PCDH18: variants seen among roughly 807,000 people sequenced by gnomAD.
PCDH18 encodes protocadherin 18, also known as protocadherin-18.
PCDH18 carries 38 observed loss-of-function variants against 71.5 expected under a neutral mutation model. The observed-to-expected ratio is 0.53, with a 90% CI of 0.41 to 0.70. The LOEUF (loss-of-function observed/expected upper bound fraction) is 0.70, where lower values mean the gene tolerates loss of function less well. Ranked by LOEUF, PCDH18 falls within the 30% of genes least tolerant of loss-of-function variation. The probability of loss-of-function intolerance (pLI) is 0.00; values close to 1 mark genes in which losing one functional copy is unlikely to be tolerated. For synonymous variants in PCDH18, 565 were observed against 505.4 expected (o/e 1.12, Z -1.58); for missense variants, 1,334 against 1,384.6 (o/e 0.96, Z 0.58).
Position 137,531,564 on chromosome 4 carries a change from C to A in PCDH18, c.525G>T (p.Ser175=), listed in dbSNP as rs767517000. 1.9e-6 allele frequency: 3 copies of A among 1,612,874 alleles called. No individual in the cohort carries two copies. The highest frequency in any genetic ancestry group is 4.5e-5 in the East Asian group (2 of 44,866). Residue 175 remains serine (S), a synonymous_variant, in exon 1 of 4, where the codon TCG becomes TCT. Coordinates refer to ENST00000344876, the MANE Select transcript of PCDH18 (RefSeq NM_019035.5). ...TATTAAAAAAATCATTGGCAGAGAG[C>A]GAGTATGTGTGGAGGGAATTTTCCC... ...DVGENSLHTY[S]LSANDFFNIE...
rs1731255268 is a variant in PCDH18, at chr4:137,520,387, A to G, written c.*642T>C. 1 of 152,190 alleles carries G rather than the reference A, an allele frequency of 6.6e-6. No individual in the cohort carries two copies. Among genetic ancestry groups the G allele is most frequent in the African/African-American group, 2.4e-5 (1 of 41,452 alleles). The allele number at this position is 152,190 out of a possible 1,614,324, so 9.4% of individuals were successfully genotyped here. On this transcript the variant is annotated 3_prime_UTR_variant, in exon 4 of 4. Coordinates refer to ENST00000344876, the MANE Select transcript of PCDH18 (RefSeq NM_019035.5). ...AAACATTGACTTTAATTCTGTTTTC[A>G]TCATTGTCTATAAAAAGTTCATTTG...
Position 137,531,472 on chromosome 4 carries a change from C to G in PCDH18, c.617G>C (p.Arg206Pro). The G allele has an allele frequency of 6.2e-7, 1 of 1,613,906 alleles. No individual in the cohort carries two copies. Among genetic ancestry groups the G allele is most frequent in the Non-Finnish European group, 8.5e-7 (1 of 1,179,958 alleles). ...AELIVVRELD[R>P]ELKSSYELQL... Reference sequence around the variant, plus strand: ...AAGCTCGTAGCTTGACTTCAGCTCCCGATCTAACTCTCTGACCACTATGAG... The same window carrying G: ...AAGCTCGTAGCTTGACTTCAGCTCCGGATCTAACTCTCTGACCACTATGAG... Residue 206 changes from arginine to proline, a missense_variant, in exon 1 of 4, where the codon CGG (arginine) becomes CCG (proline). Transcript: ENST00000344876.
Position 137,521,699 on chromosome 4 carries a change from G to A in PCDH18, c.2741-3C>T, listed in dbSNP as rs1270147849. 6 of 1,586,492 alleles carry A rather than the reference G, an allele frequency of 3.8e-6. No homozygotes were observed. The highest frequency in any genetic ancestry group is 4.3e-6 in the Non-Finnish European group (5 of 1,166,212). Reference sequence around the variant, plus strand: ...CTCCTCCGTGCAGAGTCTCATAGCTGCACTCAAGAAAAACAGTGGGGATTC... The same window carrying A: ...CTCCTCCGTGCAGAGTCTCATAGCTACACTCAAGAAAAACAGTGGGGATTC... On this transcript the variant is annotated splice_polypyrimidine_tract_variant and splice_region_variant and intron_variant, in intron 3 of 3. Transcript: ENST00000344876.
At position 137,524,447 on chromosome 4, in the gene PCDH18, C is replaced by T. The variant is rs369700338; in HGVS notation, c.2741-2751G>A. Among the ~76,000 whole-genome samples the T allele has an allele frequency of 1.9e-3, 295 of 151,976 alleles. 2 individuals carry two copies. Among genetic ancestry groups the T allele is most frequent in the South Asian group, 0.016 (76 of 4,814 alleles). On this transcript the variant is annotated intron_variant, in intron 3 of 3. Coordinates refer to ENST00000344876, the MANE Select transcript of PCDH18 (RefSeq NM_019035.5). Reference sequence around the variant, plus strand: ...AGTGTAGCAAGTGACATCGTAAACACAGGTAAAGTGTCAAACTAGATGATG... The same window carrying T: ...AGTGTAGCAAGTGACATCGTAAACATAGGTAAAGTGTCAAACTAGATGATG...
In PCDH18 at chr4:137,532,123, T is replaced by A. The variant is rs765922898; in HGVS notation, c.-35A>T. ...TATGAGATTTCCCTCACAGAGCAAG[T>A]TAAAACAGCAAAGCAATTGCCTCAA... On this transcript the variant is annotated 5_prime_UTR_variant, in exon 1 of 4. Transcript: ENST00000344876. 4 of 1,540,648 alleles carry A rather than the reference T, an allele frequency of 2.6e-6. No homozygotes were observed. In the East Asian group the frequency reaches 6.8e-5, roughly 26 times the overall value.
At position 137,532,116 on chromosome 4, in the gene PCDH18, G is replaced by A; in HGVS notation, c.-28C>T. On this transcript the variant is annotated 5_prime_UTR_variant, in exon 1 of 4. Coordinates refer to ENST00000344876, the MANE Select transcript of PCDH18 (RefSeq NM_019035.5). ...GTCAGTTTATGAGATTTCCCTCACA[G>A]AGCAAGTTAAAACAGCAAAGCAATT... The A allele has an allele frequency of 6.4e-7, 1 of 1,571,356 alleles. No individual in the cohort carries two copies. Among genetic ancestry groups the A allele is most frequent in the Non-Finnish European group, 8.7e-7 (1 of 1,143,170 alleles).
rs1395338327 is a variant in PCDH18 at position 137,519,051 on chromosome 4, G to A, written c.*1978C>T. On this transcript the variant is annotated 3_prime_UTR_variant, in exon 4 of 4. Coordinates refer to ENST00000344876, the MANE Select transcript of PCDH18 (RefSeq NM_019035.5). Reference sequence around the variant, plus strand: ...AGGATATAAAAGTCTTTTTCTTAATGGTAATATATACTGAAAGGAAGTGAA... The same window carrying A: ...AGGATATAAAAGTCTTTTTCTTAATAGTAATATATACTGAAAGGAAGTGAA... 6.6e-6 allele frequency: 1 copy of A among 152,092 alleles called. No individual in the cohort carries two copies. Among genetic ancestry groups the A allele is most frequent in the Non-Finnish European group, 1.5e-5 (1 of 68,004 alleles). 9.4% of individuals were successfully genotyped at this position (152,092 alleles called of 1,614,324 possible). A position where few individuals can be genotyped will look rare whatever the true frequency, so the allele number is the denominator to read the frequency against.
In PCDH18 at chr4:137,531,582, A is replaced by G. The variant is rs138397874; in HGVS notation, c.507T>C (p.Asn169=). 21 of 1,613,264 alleles carry G rather than the reference A, an allele frequency of 1.3e-5. No homozygotes were observed. In the African/African-American group the frequency reaches 2.5e-4, roughly 19 times the overall value. The change falls in exon 1 of 4, where the codon AAT becomes AAC. Residue 169 remains asparagine (N), a synonymous_variant. Transcript: ENST00000344876. ...CAGAGAGCGAGTATGTGTGGAGGGA[A>G]TTTTCCCCAACATCTGGATCAAATG... is the stretch of plus-strand genomic sequence containing the variant. The part of the protein sequence containing the change: ...DSAFDPDVGE[N]SLHTYSLSAN...
chr4:137,521,559 G>T lies in PCDH18; in HGVS notation c.2878C>A (p.Gln960Lys), dbSNP rs754728442. ...PGEEFPTQPQ[Q>K]QHPHQSLEDD... Reference sequence around the variant, plus strand: ...TCAAGACTCTGATGTGGATGCTGCTGCTGGGGTTGCGTTGGGAATTCTTCC... The same window carrying T: ...TCAAGACTCTGATGTGGATGCTGCTTCTGGGGTTGCGTTGGGAATTCTTCC... The change falls in exon 4 of 4, where the codon CAG (glutamine) becomes AAG (lysine). Residue 960 changes from glutamine (Q) to lysine (K), a missense_variant. Transcript: ENST00000344876. The T allele has an allele frequency of 6.2e-7, 1 of 1,614,112 alleles. No individual in the cohort carries two copies. Among genetic ancestry groups the T allele is most frequent in the South Asian group, 1.1e-5 (1 of 91,084 alleles).
intron 3 of PCDH18, 86 bp downstream of exon 3, chr4:137,528,392 A>G: frequency 9.8e-7 from 1 of 1,023,904 alleles, no homozygotes; most frequent in Non-Finnish European, 1.5e-6. Flanking sequence ...CAAATAAAGA[A>G]GAAATATAAG....
Position 137,521,440 on chromosome 4 carries a change from G to T in PCDH18, c.2997C>A (p.Thr999=). ...DSPNDEDTGD[T]STSSLLSEMS... is the part of the protein sequence containing the mutation. The stretch of plus-strand genomic sequence containing the variant: ...TTTCCGAGAGCAGAGATGATGTGCT[G>T]GTATCCCCAGTGTCCTCATCGTTTG... Residue 999 remains threonine (T), a synonymous_variant, in exon 4 of 4, where the codon ACC becomes ACA. Transcript: ENST00000344876. The T allele has an allele frequency of 1.9e-6, 3 of 1,614,152 alleles. No homozygotes were observed. The highest frequency in any genetic ancestry group is 1.7e-6 in the Non-Finnish European group (2 of 1,180,012).
Position 137,528,468 on chromosome 4 carries a change from A to G in PCDH18, c.2740+10T>C, listed in dbSNP as rs377021494. On this transcript the variant is annotated intron_variant, in intron 3 of 3. Coordinates refer to ENST00000344876, the MANE Select transcript of PCDH18 (RefSeq NM_019035.5). ...CTGAAAATAAAGATTTTCTATCACTACCCTCTTACCTGCTGGAATTCTTCC... is the reference window on the plus strand; with the variant it reads ...CTGAAAATAAAGATTTTCTATCACTGCCCTCTTACCTGCTGGAATTCTTCC... 6.2e-7 allele frequency: 1 copy of G among 1,611,600 alleles called. No individual in the cohort carries two copies. The highest frequency in any genetic ancestry group is 1.7e-5 in the Admixed American group (1 of 59,856).
chr4:137,521,665 G>A lies in PCDH18; in HGVS notation c.2772C>T (p.Val924=). The stretch of plus-strand genomic sequence containing the variant: ...TCCAGCACTGGTCAGAGTGTCCCAG[G>A]ACCCTGCACTCCTCCGTGCAGAGTC... ...AMRLCTEECR[V]LGHSDQCWMP... The change falls in exon 4 of 4, where the codon GTC becomes GTT. Residue 924 remains valine, a synonymous_variant. Transcript: ENST00000344876. 2 of 1,609,976 alleles carry A rather than the reference G, an allele frequency of 1.2e-6. No individual in the cohort carries two copies. Among genetic ancestry groups the A allele is most frequent in the South Asian group, 1.1e-5 (1 of 91,058 alleles).
chr4:137,526,288 A>C (rs1731456647), intron 3 of PCDH18, among the ~76,000 whole-genome samples: 1 of 152,122 alleles, frequency 6.6e-6, no homozygotes, highest in Non-Finnish European at 1.5e-5. Flanking sequence ...TGATAAATTT[A>C]AATTTCAATG....
Position 137,531,010 on chromosome 4 carries a change from G to C in PCDH18, c.1079C>G (p.Ser360Cys). ...ATAAGATATTTCTTCTTTTCCAGGG[G>C]ACATGAGGTTGATGTTAATTTCAGG... ...NKPEININLM[S>C]PGKEEISYIF... The change falls in exon 1 of 4, where the codon TCC becomes TGC. Residue 360 changes from serine (S) to cysteine (C), a missense_variant. This residue lies in a region of PCDH18 where 1,011 missense variants were observed against 1,048.0 expected (regional missense o/e 0.96). Coordinates refer to ENST00000344876, the MANE Select transcript of PCDH18 (RefSeq NM_019035.5). 6.2e-7 allele frequency: 1 copy of C among 1,610,324 alleles called. No homozygotes were observed. Among genetic ancestry groups the C allele is most frequent in the Non-Finnish European group, 8.5e-7 (1 of 1,178,278 alleles).
rs758288096 is a variant in PCDH18, at chr4:137,529,737, G to A, written c.2352C>T (p.Thr784=). Residue 784 remains threonine, a synonymous_variant, in exon 1 of 4, where the codon ACC becomes ACT. Transcript: ENST00000344876. ...HHRSSPSSSP[T]LERGQMGSRQ... is the part of the protein sequence containing the mutation. ...GGCTGCCCATCTGCCCTCTTTCTAA[G>A]GTAGGAGATGAAGATGGAGACGATC... 6.2e-7 allele frequency: 1 copy of A among 1,613,828 alleles called. No individual in the cohort carries two copies. The highest frequency in any genetic ancestry group is 1.3e-5 in the African/African-American group (1 of 74,904).
In PCDH18 at chr4:137,529,617, G is replaced by T; in HGVS notation, c.2472C>A (p.Ala824=). The stretch of plus-strand genomic sequence containing the variant: ...ATGATCTTACCTCAACAGCAGGAGT[G>T]GCGTGGGTGAGTTCTAATGAGAAAT... ...PENFSLELTH[A]TPAVEQVSQL... The change falls in exon 1 of 4, where the codon GCC becomes GCA. Residue 824 remains alanine, a synonymous_variant. Transcript: ENST00000344876. 6.2e-7 allele frequency: 1 copy of T among 1,601,948 alleles called. No individual in the cohort carries two copies. Among genetic ancestry groups the T allele is most frequent in the Non-Finnish European group, 8.5e-7 (1 of 1,172,388 alleles).
Position 137,530,059 on chromosome 4 carries a change from A to G in PCDH18, c.2030T>C (p.Phe677Ser). Residue 677 changes from phenylalanine (F) to serine (S), a missense_variant, in exon 1 of 4, where the codon TTT becomes TCT. By Grantham distance (155) the Phe-to-Ser change is radical (BLOSUM62 -2). Around this residue, in one of 3 missense-constraint regions of PCDH18, gnomAD observed 1,011 missense variants for 1,048.0 expected, o/e 0.96. Coordinates refer to ENST00000344876, the MANE Select transcript of PCDH18 (RefSeq NM_019035.5). ...ACTTGTCACCGACTCTGCATATTCAAAGATCATGCACTTCAGAAGGACTTT... is the reference window on the plus strand; with the variant it reads ...ACTTGTCACCGACTCTGCATATTCAGAGATCATGCACTTCAGAAGGACTTT... ...HTKVLLKCMI[F>S]EYAESVTSTA... 3 of 1,613,926 alleles carry G rather than the reference A, an allele frequency of 1.9e-6. No homozygotes were observed. The South Asian group carries it at 3.3e-5, about 18-fold the overall frequency.
rs1731639826 is a variant in PCDH18, at chr4:137,530,464, G to C, written c.1625C>G (p.Thr542Ser). 4.3e-6 allele frequency: 7 copies of C among 1,613,968 alleles called. No individual in the cohort carries two copies. The South Asian group carries it at 6.6e-5, about 15-fold the overall frequency. ...IFDHEEVSQI[T>S]FVVEARDGGS... is the part of the protein sequence containing the mutation. Reference sequence around the variant, plus strand: ...TCCATCTCTTGCTTCTACCACAAAAGTGATCTGACTCACTTCTTCATGATC... The same window carrying C: ...TCCATCTCTTGCTTCTACCACAAAACTGATCTGACTCACTTCTTCATGATC... The change falls in exon 1 of 4, where the codon ACT (threonine) becomes AGT (serine). Residue 542 changes from threonine (T) to serine (S), a missense_variant. Around this residue, in one of 3 missense-constraint regions of PCDH18, gnomAD observed 1,011 missense variants for 1,048.0 expected, o/e 0.96. Coordinates refer to ENST00000344876, the MANE Select transcript of PCDH18 (RefSeq NM_019035.5).
Sources: gnomAD v4.1 joint callset for allele counts (sites outside exome capture counted in the v4.1 genomes callset) on GRCh38, gnomAD v4.1.1 for gene constraint, gnomAD v4.1.1 regional missense constraint, MANE v1.5 for transcripts, NCBI Gene and HGNC (gene_info 2026-07-23, HGNC 2026-07-21) for gene names.